Variants in FANCB observed in about 807,000 individuals in gnomAD.
The protein encoded by FANCB is Fanconi anemia group B protein.
Under a neutral mutation model 38.9 loss-of-function variants are expected in FANCB, and 5 were observed. That is an observed-to-expected ratio of 0.13 (90% CI 0.07 to 0.27). The LOEUF (loss-of-function observed/expected upper bound fraction) is 0.27, where lower values mean the gene tolerates loss of function less well. Among genes scored for constraint, FANCB ranks in the 10% least tolerant of loss-of-function variants. The probability of loss-of-function intolerance (pLI) is 1.00; values close to 1 mark genes in which losing one functional copy is unlikely to be tolerated. For synonymous variants in FANCB, 236 were observed against 215.4 expected (o/e 1.10, Z -0.84); for missense variants, 573 against 602.7 (o/e 0.95, Z 0.52).
chrX:14,813,399 T>C, the FANCB span, among the ~76,000 whole-genome samples: 1 of 111,022 alleles, frequency 9.0e-6, no homozygotes, highest in Non-Finnish European at 1.9e-5. Flanking sequence ...GATGACATGA[T>C]TGTATATCTA....
the FANCB span, among the ~76,000 whole-genome samples, chrX:14,747,486 T>TA: frequency 2.0e-4 from 23 of 112,623 alleles, no homozygotes; most frequent in Non-Finnish European, 3.9e-4. Flanking sequence ...GGGTTGCATT[T>TA]AAAAAAACTA....
chrX:14,850,140 A>G (rs1196446211), intron 7 of FANCB, among the ~76,000 whole-genome samples: 6 of 111,943 alleles, frequency 5.4e-5, no homozygotes, highest in Non-Finnish European at 1.1e-4. Context: ...ACTTGAGGTC[A>G]GGAGTTTGAG....
chrX:14,711,626 C>T, the FANCB span, among the ~76,000 whole-genome samples: 1 of 112,520 alleles, frequency 8.9e-6, no homozygotes, highest in Non-Finnish European at 1.9e-5. Flanking sequence ...TGAGCATACA[C>T]TATATACCAG....
the FANCB span, among the ~76,000 whole-genome samples, chrX:14,818,326 G>C: frequency 1.9e-5 from 2 of 105,964 alleles, no homozygotes; most frequent in Non-Finnish European, 3.9e-5. Context: ...TCTTGGGCTG[G>C]ACCCAGAAGC....
the FANCB span, among the ~76,000 whole-genome samples, chrX:14,782,048 T>C: frequency 2.7e-5 from 3 of 112,146 alleles, no homozygotes; most frequent in African/African-American, 9.7e-5. Flanking sequence ...GGTGAGTCTG[T>C]AGCTTTTTAG....
chrX:14,816,398 C>T, the FANCB span, among the ~76,000 whole-genome samples: 1 of 111,330 alleles, frequency 9.0e-6, no homozygotes, highest in South Asian at 3.8e-4. Context: ...TTCCCACCTC[C>T]CTCCCACTTG....
At chrX:14,701,235 C>A in the FANCB span, among the ~76,000 whole-genome samples, 2 of 110,878 alleles carry the variant, frequency 1.8e-5, no homozygotes, top group Non-Finnish European at 3.8e-5. Flanking sequence ...TAGGGTCCAT[C>A]GGACGTAGGG....
At chrX:14,750,271 A>C in the FANCB span, among the ~76,000 whole-genome samples, 1 of 111,917 alleles carries the variant, frequency 8.9e-6, no homozygotes, top group East Asian at 2.8e-4. Context: ...AGCTGCTTTA[A>C]CAGATAAGCC....
At chrX:14,858,186 G>A (rs1266667992) in intron 4 of FANCB, among the ~76,000 whole-genome samples, 1 of 111,237 alleles carries the variant, frequency 9.0e-6, no homozygotes, top group East Asian at 2.8e-4. Flanking sequence ...GAGGTCAGGA[G>A]TTCCAGACCA....
At chrX:14,785,120 G>A in the FANCB span, among the ~76,000 whole-genome samples, 1 of 111,564 alleles carries the variant, frequency 9.0e-6, no homozygotes. Flanking sequence ...CATGGCACAC[G>A]TTTACCTATG....
the FANCB span, among the ~76,000 whole-genome samples, chrX:14,746,368 T>C: frequency 8.9e-6 from 1 of 112,115 alleles, no homozygotes; most frequent in South Asian, 3.7e-4. Flanking sequence ...AAGAGTGATT[T>C]TGCATTTCAG....
At position 14,850,603 on chromosome X, in the gene FANCB, G is replaced by A; in HGVS notation, c.1398C>T (p.Asp466=). 1 of 1,186,572 alleles carries A rather than the reference G, an allele frequency of 8.4e-7. No homozygotes were observed. The highest frequency in any genetic ancestry group is 1.1e-6 in the Non-Finnish European group (1 of 873,343). The part of the protein sequence containing the change: ...SVHILDEKLS[D]NFQDSEQLVE... ...CTAGCTGTTCTGAATCTTGAAAATTGTCTGATAACTTTTCATCTAAGATAT... is the reference window on the plus strand; with the variant it reads ...CTAGCTGTTCTGAATCTTGAAAATTATCTGATAACTTTTCATCTAAGATAT... The change falls in exon 7 of 10, where the codon GAC becomes GAT. Residue 466 remains aspartate, a synonymous_variant. Coordinates refer to ENST00000650831, the MANE Select transcript of FANCB (RefSeq NM_001018113.3).
At chrX:14,717,306 CTTCTT>C in the FANCB span, among the ~76,000 whole-genome samples, 3 of 105,117 alleles carry the variant, frequency 2.9e-5, no homozygotes, top group African/African-American at 1.1e-4. Context: ...CCATTTCACT[CTTCTT>C]TTATCCTTCT....
At chrX:14,704,462 C>T in the FANCB span, among the ~76,000 whole-genome samples, 2 of 112,250 alleles carry the variant, frequency 1.8e-5, no homozygotes, top group Non-Finnish European at 3.8e-5. Flanking sequence ...ATAAAAAGAT[C>T]GAGCTAAATG....
At chrX:14,815,970 T>C in the FANCB span, among the ~76,000 whole-genome samples, 1 of 112,052 alleles carries the variant, frequency 8.9e-6, no homozygotes, top group Non-Finnish European at 1.9e-5. Flanking sequence ...TGTGTACATA[T>C]GGACATAAAG....
chrX:14,812,077 C>A, the FANCB span, among the ~76,000 whole-genome samples: 2 of 110,357 alleles, frequency 1.8e-5, no homozygotes, highest in African/African-American at 6.7e-5. Context: ...GGGTACATAA[C>A]AAAATGAAGG....
the FANCB span, among the ~76,000 whole-genome samples, chrX:14,722,484 T>C: frequency 9.0e-6 from 1 of 111,344 alleles, no homozygotes; most frequent in Non-Finnish European, 1.9e-5. Flanking sequence ...CACCAAATTC[T>C]GTTGATTAGG....
At chrX:14,766,148 G>A in the FANCB span, among the ~76,000 whole-genome samples, 5 of 112,048 alleles carry the variant, frequency 4.5e-5, no homozygotes, top group African/African-American at 1.6e-4. Context: ...CCCTGCTTAA[G>A]AGAGGTATAA....
the FANCB span, among the ~76,000 whole-genome samples, chrX:14,758,415 C>G: frequency 1.8e-5 from 2 of 111,994 alleles, no homozygotes; most frequent in Non-Finnish European, 3.8e-5. Context: ...GGCCAACCAA[C>G]AAAAAACTTG....
Sources: gnomAD v4.1 joint callset for allele counts (sites outside exome capture counted in the v4.1 genomes callset) on GRCh38, gnomAD v4.1.1 for gene constraint, MANE v1.5 for transcripts, NCBI Gene and HGNC (gene_info 2026-07-23, HGNC 2026-07-21) for gene names.